RELN: variants seen among roughly 807,000 people sequenced by gnomAD.
The protein encoded by RELN is reelin.
In RELN, 108 loss-of-function variants were observed where a neutral mutation model predicts 427.6. The ratio of observed to expected loss-of-function variants is 0.25; its 90% CI spans 0.22 to 0.30. The LOEUF (loss-of-function observed/expected upper bound fraction) is 0.30. Among genes scored for constraint, RELN ranks in the 10% least tolerant of loss-of-function variants. The probability of loss-of-function intolerance (pLI) is 1.00; values close to 1 mark genes in which losing one functional copy is unlikely to be tolerated. For missense variants in RELN, 3,715 were observed against 4,302.8 expected, an observed-to-expected ratio of 0.86 and a Z score of 3.82; for synonymous variants, 1,524 against 1,513.4, an observed-to-expected ratio of 1.01 and a Z score of -0.16.
chr7:103,735,700 T>C (rs536668955), intron 6 of RELN, among the ~76,000 whole-genome samples: 3 of 152,312 alleles, frequency 2.0e-5, no homozygotes, highest in African/African-American at 7.2e-5. Context: ...CTGAAGCAAG[T>C]TAATCACCTA....
intron 1 of RELN, among the ~76,000 whole-genome samples, chr7:103,976,282 T>G (rs890679377): frequency 2.6e-5 from 4 of 152,188 alleles, no homozygotes; most frequent in Admixed American, 6.5e-5. Flanking sequence ...CCAGGGCTGT[T>G]ACAGGCAAAT....
intron 20 of RELN, among the ~76,000 whole-genome samples, chr7:103,624,880 T>C (rs2117321882): frequency 6.6e-6 from 1 of 152,314 alleles, no homozygotes; most frequent in Non-Finnish European, 1.5e-5. Context: ...AAAAAAGCTT[T>C]AATTAAAAAA....
intron 50 of RELN, among the ~76,000 whole-genome samples, chr7:103,514,825 A>G (rs78460274): frequency 0.013 from 2,054 of 152,296 alleles, 24 homozygotes; most frequent in Non-Finnish European, 0.023. Flanking sequence ...GTCTTCAGAT[A>G]CTAAAACAAA....
chr7:103,983,224 G>T (rs1475609437), intron 1 of RELN, among the ~76,000 whole-genome samples: 1 of 152,052 alleles, frequency 6.6e-6, no homozygotes, highest in Non-Finnish European at 1.5e-5. Context: ...AAATACATTT[G>T]CTATAATTGG....
intron 11 of RELN, among the ~76,000 whole-genome samples, chr7:103,679,524 A>C (rs999531062): frequency 6.6e-6 from 1 of 152,182 alleles, no homozygotes; most frequent in African/African-American, 2.4e-5. Flanking sequence ...CCAGCTTCTT[A>C]ACTGTGACCA....
At chr7:103,595,118 A>T (rs1831508300) in intron 25 of RELN, among the ~76,000 whole-genome samples, 1 of 152,218 alleles carries the variant, frequency 6.6e-6, no homozygotes, top group Non-Finnish European at 1.5e-5. Flanking sequence ...ATTTTTCATC[A>T]CAAAGACATG....
Position 103,516,827 on chromosome 7 carries a change from C to CT in RELN, c.7863-1387dup, listed in dbSNP as rs879745033. ...TCCATGTTGATTTTATTTTTCCTTC[C>CT]TTTTTTTTTTCTGTCTTCCTTGAGG... is the stretch of plus-strand genomic sequence containing the variant. On this transcript the variant is annotated intron_variant, in intron 49 of 64. Coordinates refer to ENST00000428762, the MANE Select transcript of RELN (RefSeq NM_005045.4). Among the ~76,000 whole-genome samples the CT allele has an allele frequency of 1.1e-3, 169 of 148,942 alleles. 2 individuals carry two copies. The highest frequency in any genetic ancestry group is 3.5e-3 in the Middle Eastern group (1 of 288).
chr7:103,618,274 T>C (rs1832129586), intron 20 of RELN, among the ~76,000 whole-genome samples: 1 of 152,238 alleles, frequency 6.6e-6, no homozygotes, highest in African/African-American at 2.4e-5. Context: ...TTTTCCATGA[T>C]GGTCCCCATT....
intron 60 of RELN, among the ~76,000 whole-genome samples, chr7:103,486,646 T>G (rs1277200142): frequency 6.6e-6 from 1 of 150,976 alleles, no homozygotes; most frequent in South Asian, 2.1e-4. Flanking sequence ...CCAACAAACA[T>G]ATGAAAAAAA....
chr7:103,885,862 A>C (rs1183437922), intron 2 of RELN, among the ~76,000 whole-genome samples: 1 of 152,202 alleles, frequency 6.6e-6, no homozygotes, highest in Non-Finnish European at 1.5e-5. Context: ...AGATACTTAC[A>C]TTTCCAAGTA....
At chr7:103,811,214 C>T (rs138751981) in intron 3 of RELN, among the ~76,000 whole-genome samples, 36 of 152,206 alleles carry the variant, frequency 2.4e-4, no homozygotes, top group African/African-American at 8.4e-4. Context: ...AAAACATATC[C>T]TGCTTGTGGG....
chr7:103,484,038 C>A (rs1414788072), intron 61 of RELN, among the ~76,000 whole-genome samples, 188 bp from the exon 62 acceptor site: 1 of 151,982 alleles, frequency 6.6e-6, no homozygotes, highest in Admixed American at 6.6e-5. Context: ...CGCCACCACG[C>A]CTGGCTAATT....
chr7:103,565,025 TA>T (rs1168593352), intron 34 of RELN, among the ~76,000 whole-genome samples: 1 of 152,212 alleles, frequency 6.6e-6, no homozygotes, highest in Non-Finnish European at 1.5e-5. Flanking sequence ...TACAACAGTT[TA>T]AAAATGGAAT....
chr7:103,677,915 T>C (rs746021173), intron 11 of RELN, among the ~76,000 whole-genome samples: 1 of 151,972 alleles, frequency 6.6e-6, no homozygotes, highest in Non-Finnish European at 1.5e-5. Flanking sequence ...TCATTCAACA[T>C]GTGTTCTGGG....
intron 61 of RELN, chr7:103,484,131 C>T (rs1358458517): frequency 4.8e-5 from 20 of 419,576 alleles, no homozygotes; most frequent in Middle Eastern, 6.9e-4. Context: ...CCACCCACCT[C>T]GGCCTCCCAA....
At chr7:103,542,651 C>T in intron 43 of RELN, 80 bp downstream of exon 43, 1 of 1,511,050 alleles carries the variant, frequency 6.6e-7, no homozygotes, top group African/African-American at 1.4e-5. Context: ...TGAAATCGCT[C>T]TGCTTCCTTC....
intron 4 of RELN, among the ~76,000 whole-genome samples, chr7:103,769,112 G>T (rs886803): frequency 0.14 from 21,169 of 152,160 alleles, 1,899 homozygotes; most frequent in South Asian, 0.3. Context: ...TTCCCTTTAT[G>T]ATGTACTGAA....
intron 1 of RELN, among the ~76,000 whole-genome samples, chr7:103,958,748 G>C (rs1796487839): frequency 6.6e-6 from 1 of 151,908 alleles, no homozygotes; most frequent in South Asian, 2.1e-4. Flanking sequence ...AAGTATTTTA[G>C]CTTCTTCATT....
chr7:103,669,729 G>A (rs1051550555), intron 11 of RELN, among the ~76,000 whole-genome samples: 1 of 152,038 alleles, frequency 6.6e-6, no homozygotes, highest in African/African-American at 2.4e-5. Flanking sequence ...CTTCTCTGTG[G>A]TTTAAATTAT....
Sources: gnomAD v4.1 joint callset for allele counts (sites outside exome capture counted in the v4.1 genomes callset) on GRCh38, gnomAD v4.1.1 for gene constraint, MANE v1.5 for transcripts, NCBI Gene and HGNC (gene_info 2026-07-23, HGNC 2026-07-21) for gene names.